Variants in ODF2 observed in about 807,000 individuals in gnomAD.
The protein encoded by ODF2 is outer dense fiber of sperm tails 2.
In ODF2, 47 loss-of-function variants were observed where a neutral mutation model predicts 110.2. That is an observed-to-expected ratio of 0.43 (90% CI 0.34 to 0.54). The LOEUF (loss-of-function observed/expected upper bound fraction) is 0.54, where lower values mean the gene tolerates loss of function less well. Ranked by LOEUF, ODF2 falls within the 20% of genes least tolerant of loss-of-function variation. The pLI, the probability that ODF2 is intolerant of heterozygous loss-of-function variation, is 0.03. For synonymous variants in ODF2, 352 were observed against 397.7 expected, an observed-to-expected ratio of 0.89 and a Z score of 1.37; for missense variants, 812 against 1,054.5, an observed-to-expected ratio of 0.77 and a Z score of 3.19.
In ODF2 at chr9:128,500,039, G is replaced by A. The variant is rs757033000; in HGVS notation, c.2302-28G>A. 1.1e-5 allele frequency: 17 copies of A among 1,613,378 alleles called. 1 individual carries two copies. In the East Asian group the frequency reaches 1.8e-4, roughly 17 times the overall value. On this transcript the variant is annotated intron_variant, in intron 20 of 20. Transcript: ENST00000604420. ...ATTTCTATTTTGGACACTGCACAGCGGGCCCATGCTCTGTTTCTCCTCGTT... is the reference window on the plus strand; with the variant it reads ...ATTTCTATTTTGGACACTGCACAGCAGGCCCATGCTCTGTTTCTCCTCGTT...
At position 128,457,085 on chromosome 9, in the gene ODF2, C is replaced by T. The variant is rs1021339955; in HGVS notation, c.-208-113C>T. ...CCCGGTAGCCACCGGCAGTCCTCCG[C>T]GTGGGACCCGGGCGCGGTGGTCCTT... On this transcript the variant is annotated intron_variant, in intron 1 of 20. Coordinates refer to ENST00000604420, the Ensembl canonical transcript of ODF2. 12 of 1,352,612 alleles carry T rather than the reference C, an allele frequency of 8.9e-6. No homozygotes were observed. In the African/African-American group the frequency reaches 1.6e-4, roughly 18 times the overall value. The allele number at this position is 1,352,612 out of a possible 1,614,324, so 83.8% of individuals were successfully genotyped here. A position where few individuals can be genotyped will look rare whatever the true frequency, so the allele number is the denominator to read the frequency against.
intron 8 of ODF2, among the ~76,000 whole-genome samples, chr9:128,478,279 G>A (rs535839566): frequency 2.6e-5 from 4 of 152,312 alleles, no homozygotes; most frequent in Non-Finnish European, 5.9e-5. Context: ...CTCCAGCCTG[G>A]ATGACAGAGC....
chr9:128,473,414 G>A (rs1486703625), intron 7 of ODF2, 196 bp from the exon 8 acceptor site: 1 of 648,664 alleles, frequency 1.5e-6, no homozygotes. Flanking sequence ...CTCCACCTTT[G>A]CTCGGAGCAG....
At chr9:128,464,389 C>T (rs1050831977) in intron 4 of ODF2, among the ~76,000 whole-genome samples, 69 of 151,122 alleles carry the variant, frequency 4.6e-4, no homozygotes, top group Non-Finnish European at 1.6e-4. Flanking sequence ...CTCTTGACCT[C>T]GTGATCCGCC....
intron 17 of ODF2, among the ~76,000 whole-genome samples, chr9:128,495,650 G>A (rs1845447451): frequency 1.3e-5 from 2 of 152,228 alleles, no homozygotes; most frequent in Admixed American, 1.3e-4. Context: ...GTTAAGAGGA[G>A]GTTGAGATCA....
In ODF2 at chr9:128,460,441, T is replaced by C. The variant is rs939505228; in HGVS notation, c.124-501T>C. On this transcript the variant is annotated intron_variant, in intron 3 of 20. Transcript: ENST00000604420. ...GTAGTTGGTAGCTGTCCTGCTCGCTTGGTGGCTAGGCTTTTTGGTGGCCCC... is the reference window on the plus strand; with the variant it reads ...GTAGTTGGTAGCTGTCCTGCTCGCTCGGTGGCTAGGCTTTTTGGTGGCCCC... 3.3e-6 allele frequency: 5 copies of C among 1,528,332 alleles called. No homozygotes were observed. The African/African-American group carries it at 6.9e-5, about 21-fold the overall frequency. The allele number at this position is 1,528,332 out of a possible 1,614,324, so 94.7% of individuals were successfully genotyped here. A position where few individuals can be genotyped will look rare whatever the true frequency, so the allele number is the denominator to read the frequency against.
At chr9:128,476,447 C>T (rs1029680015) in intron 8 of ODF2, among the ~76,000 whole-genome samples, 13 of 151,974 alleles carry the variant, frequency 8.6e-5, no homozygotes, top group Admixed American at 5.3e-4. Flanking sequence ...GCCACCACAC[C>T]GGGCTACTTT....
chr9:128,455,261 A>G, upstream of ODF2: 3 of 1,533,112 alleles, frequency 2.0e-6, no homozygotes, highest in Non-Finnish European at 2.6e-6. Flanking sequence ...AGAGTGCAGG[A>G]GGGTAGTAGA....
At chr9:128,497,028 GATA>G (rs942205030) in intron 18 of ODF2, among the ~76,000 whole-genome samples, 1 of 152,056 alleles carries the variant, frequency 6.6e-6, no homozygotes, top group Non-Finnish European at 1.5e-5. Flanking sequence ...ACACCTGGCT[GATA>G]ATAATCTTTT....
At chr9:128,458,457 A>G (rs1405825945) in intron 2 of ODF2, among the ~76,000 whole-genome samples, 13 of 132,726 alleles carry the variant, frequency 9.8e-5, no homozygotes, top group Admixed American at 3.1e-4. Flanking sequence ...GCGAGACTCT[A>G]TCTCAAAAAA....
chr9:128,488,200 G>T (rs1343004735), intron 14 of ODF2, among the ~76,000 whole-genome samples, 175 bp downstream of exon 14: 2 of 152,188 alleles, frequency 1.3e-5, no homozygotes, highest in East Asian at 3.9e-4. Context: ...GGCCAAGGCA[G>T]GTGGATCACT....
intron 14 of ODF2, 55 bp downstream of exon 14, chr9:128,488,080 A>T: frequency 1.2e-6 from 2 of 1,606,088 alleles, no homozygotes; most frequent in Non-Finnish European, 1.7e-6. Context: ...CGAGCTGATG[A>T]GGGGTCTTGT....
chr9:128,484,997 G>A (rs1334951340), intron 12 of ODF2, 111 bp downstream of exon 12: 82 of 1,159,126 alleles, frequency 7.1e-5, no homozygotes, highest in Non-Finnish European at 7.0e-5. Flanking sequence ...ATGAGGGATG[G>A]TAGTGGTGGA....
At chr9:128,500,600 A>G (rs904990737), downstream of ODF2, 2 of 201,770 alleles carry the variant, frequency 9.9e-6, no homozygotes, top group African/African-American at 4.7e-5. Context: ...CAGTCCCCTT[A>G]CAGCCCTCAT....
intron 13 of ODF2, among the ~76,000 whole-genome samples, chr9:128,487,126 G>T (rs1227190180): frequency 6.6e-6 from 1 of 151,948 alleles, no homozygotes; most frequent in Non-Finnish European, 1.5e-5. Flanking sequence ...CCTTCACCCA[G>T]GCTATAGTGC....
intron 2 of ODF2, among the ~76,000 whole-genome samples, chr9:128,458,096 T>A (rs185251755): frequency 9.5e-4 from 142 of 149,770 alleles, no homozygotes; most frequent in Non-Finnish European, 1.7e-3. Context: ...ATTTTGGACC[T>A]CCCTGTCTCT....
intron 9 of ODF2, among the ~76,000 whole-genome samples, 179 bp from the exon 10 acceptor site, chr9:128,482,637 T>C (rs970857414): frequency 3.3e-5 from 5 of 152,308 alleles, no homozygotes; most frequent in African/African-American, 1.2e-4. Context: ...TACATGTTCA[T>C]TGTTTTAAAA....
At position 128,474,895 on chromosome 9, in the gene ODF2, C is replaced by T. The variant is rs543045381; in HGVS notation, c.843+1154C>T. The stretch of plus-strand genomic sequence containing the variant: ...AGGAGAATCACTTGAACCTGGGAGG[C>T]GGAGGTTGCAGTGAGCCGAGATTGT... On this transcript the variant is annotated intron_variant, in intron 8 of 20. Transcript: ENST00000604420. Among the ~76,000 whole-genome samples the T allele has an allele frequency of 9.3e-5, 14 of 151,168 alleles. No individual in the cohort carries two copies. In the South Asian group the frequency reaches 1.3e-3, roughly 14 times the overall value.
At chr9:128,469,397 T>C (rs374142175) in intron 5 of ODF2, 44 bp downstream of exon 5, 3 of 1,598,540 alleles carry the variant, frequency 1.9e-6, no homozygotes, top group African/African-American at 2.7e-5. Flanking sequence ...CCTGAGGATG[T>C]GCAGGAGCAC....
Sources: allele counts gnomAD v4.1 joint callset (sites outside exome capture counted in the v4.1 genomes callset), GRCh38; gene constraint gnomAD v4.1.1; transcripts MANE v1.5; gene names NCBI Gene and HGNC (gene_info 2026-07-23, HGNC 2026-07-21).